ARRDC5: variants seen among roughly 807,000 people sequenced by gnomAD.
ARRDC5 encodes arrestin domain-containing protein 5.
Under a neutral mutation model 13.3 loss-of-function variants are expected in ARRDC5, and 12 were observed. The ratio of observed to expected loss-of-function variants is 0.90; its 90% CI spans 0.58 to 1.46. The LOEUF (loss-of-function observed/expected upper bound fraction) is 1.46, where lower values mean the gene tolerates loss of function less well. Ranked by LOEUF, ARRDC5 falls within the 40% of genes most tolerant of loss-of-function variation. The pLI is 0.00. For synonymous variants in ARRDC5, 181 were observed against 173.4 expected, an observed-to-expected ratio of 1.04 and a Z score of -0.34; for missense variants, 406 against 418.7, an observed-to-expected ratio of 0.97 and a Z score of 0.26.
At chr19:4,905,461 AT>A (rs564794778), upstream of ARRDC5, among the ~76,000 whole-genome samples, 4,263 of 145,550 alleles carry the variant, frequency 0.029, 190 homozygotes, top group African/African-American at 0.1. Flanking sequence ...TTTTTTTGCA[AT>A]TTTTTTTTTA....
the ARRDC5 span, chr19:4,910,852 G>C: frequency 6.3e-7 from 1 of 1,583,428 alleles, no homozygotes; most frequent in Non-Finnish European, 8.6e-7. Flanking sequence ...AACTGATGGG[G>C]GTTTTTGCTG....
At position 4,891,062 on chromosome 19, in the gene ARRDC5, G is replaced by A. The variant is rs755694883; in HGVS notation, c.971C>T (p.Pro324Leu). 7 of 1,611,856 alleles carry A rather than the reference G, an allele frequency of 4.3e-6. No homozygotes were observed. In the East Asian group the frequency reaches 1.3e-4, roughly 31 times the overall value. The change falls in exon 3 of 3, where the codon CCA becomes CTA. Residue 324 changes from proline (P) to leucine (L), a missense_variant. Physicochemically the swap from Pro to Leu is moderately conservative, Grantham distance 98. Transcript: ENST00000650722. The part of the protein sequence containing the change: ...LSEDGVLPVN[P>L]DHQN ...TTCGGGCACTTAATTCTGGTGATCT[G>A]GGTTCACGGGTAACACTCCGTCCTC...
upstream of ARRDC5, chr19:4,903,695 G>A (rs932448616): frequency 1.3e-5 from 2 of 151,970 alleles, no homozygotes; most frequent in African/African-American, 2.4e-5. Context: ...TAGAGACGGG[G>A]TTTCACCATG....
At chr19:4,892,447 CTT>C (rs1309353159) in intron 2 of ARRDC5, among the ~76,000 whole-genome samples, 1 of 147,764 alleles carries the variant, frequency 6.8e-6, no homozygotes, top group Non-Finnish European at 1.5e-5. Flanking sequence ...TCACTGCAGA[CTT>C]GACCTCCTGG....
chr19:4,896,321 AAAAAAAAAATATAT>A (rs1568395793), intron 2 of ARRDC5, among the ~76,000 whole-genome samples: 1 of 69,944 alleles, frequency 1.4e-5, no homozygotes, highest in African/African-American at 7.3e-5. Context: ...CTCAAAAAAA[AAAAAAAAAATATAT>A]ATATATATAT....
At chr19:4,901,923 G>A (rs2031930181) in intron 1 of ARRDC5, among the ~76,000 whole-genome samples, 1 of 152,002 alleles carries the variant, frequency 6.6e-6, no homozygotes, top group Admixed American at 6.6e-5. Flanking sequence ...ATCTCGCTCC[G>A]TCACCCAGGC....
chr19:4,915,858 G>A, the ARRDC5 span, among the ~76,000 whole-genome samples: 1 of 152,232 alleles, frequency 6.6e-6, no homozygotes, highest in East Asian at 1.9e-4. Flanking sequence ...GAATGCTGCT[G>A]TGGAATGTGC....
At chr19:4,899,868 G>A (rs1436406713) in intron 1 of ARRDC5, among the ~76,000 whole-genome samples, 2 of 150,860 alleles carry the variant, frequency 1.3e-5, no homozygotes, top group African/African-American at 2.4e-5. Flanking sequence ...GAACCCGGGA[G>A]GCGGAGCTTG....
rs774736367 is a variant in ARRDC5 at position 4,891,081 on chromosome 19, C to G, written c.952G>C (p.Gly318Arg). Reference protein sequence around the residue: ...DSAICQLSEDGVLPVNPDHQN With the variant: ...DSAICQLSEDRVLPVNPDHQN ...TGATCTGGGTTCACGGGTAACACTC[C>G]GTCCTCTGACAGCTGGCAGATGGCA... is the stretch of plus-strand genomic sequence containing the variant. Residue 318 changes from glycine to arginine, a missense_variant, in exon 3 of 3, where the codon GGA becomes CGA. Transcript: ENST00000650722. 5 of 1,613,404 alleles carry G rather than the reference C, an allele frequency of 3.1e-6. No homozygotes were observed. In the African/African-American group the frequency reaches 4.0e-5, roughly 13 times the overall value.
At chr19:4,895,382 C>G (rs1427469929) in intron 2 of ARRDC5, among the ~76,000 whole-genome samples, 1 of 134,558 alleles carries the variant, frequency 7.4e-6, no homozygotes, top group Non-Finnish European at 1.5e-5. Flanking sequence ...AAGATTGCGC[C>G]ACTGCACTCC....
At chr19:4,911,050 G>A in the ARRDC5 span, 2 of 1,570,328 alleles carry the variant, frequency 1.3e-6, no homozygotes, top group Non-Finnish European at 8.7e-7. Flanking sequence ...TACACCCGCC[G>A]CCAGCACCTT....
intron 2 of ARRDC5, among the ~76,000 whole-genome samples, chr19:4,894,013 A>T (rs1344156366): frequency 4.1e-5 from 6 of 147,222 alleles, no homozygotes; most frequent in Non-Finnish European, 7.4e-5. Context: ...GCGCCACTAC[A>T]CTCCAGCCTG....
chr19:4,915,355 C>G, the ARRDC5 span, among the ~76,000 whole-genome samples: 2 of 152,146 alleles, frequency 1.3e-5, no homozygotes, highest in Non-Finnish European at 2.9e-5. Context: ...GTTGTGGCCC[C>G]GAAGCAGCTG....
At chr19:4,895,439 A>AAC (rs1361499023) in intron 2 of ARRDC5, among the ~76,000 whole-genome samples, 1 of 151,090 alleles carries the variant, frequency 6.6e-6, no homozygotes, top group Non-Finnish European at 1.5e-5. Context: ...AAAAAAAAAA[A>AAC]AAAAAAAAGA....
chr19:4,901,257 T>G (rs1362518606), intron 1 of ARRDC5, among the ~76,000 whole-genome samples: 1 of 152,116 alleles, frequency 6.6e-6, no homozygotes, highest in Non-Finnish European at 1.5e-5. Flanking sequence ...AGGCTGGGGC[T>G]GCAGTGAGTT....
At chr19:4,908,244 G>A in the ARRDC5 span, among the ~76,000 whole-genome samples, 1 of 152,100 alleles carries the variant, frequency 6.6e-6, no homozygotes, top group East Asian at 1.9e-4. Flanking sequence ...GGACGTGGGG[G>A]TCTAGAGACG....
At chr19:4,896,449 C>T in intron 2 of ARRDC5, among the ~76,000 whole-genome samples, 1 of 146,762 alleles carries the variant, frequency 6.8e-6, no homozygotes, top group African/African-American at 2.5e-5. Flanking sequence ...ACTCTGTCGC[C>T]CAGGCTGGAG....
At chr19:4,910,872 T>G in the ARRDC5 span, 1 of 1,601,550 alleles carries the variant, frequency 6.2e-7, no homozygotes, top group Non-Finnish European at 8.5e-7. Flanking sequence ...GTCCCTCCCC[T>G]CAGCGCCGAC....
intron 2 of ARRDC5, among the ~76,000 whole-genome samples, chr19:4,894,718 G>A (rs74178456): frequency 3.2e-4 from 44 of 135,648 alleles, no homozygotes; most frequent in Middle Eastern, 3.7e-3. Flanking sequence ...GAAGGAGAAG[G>A]AGAAGAAGAA....
Sources: gnomAD v4.1 joint callset for allele counts (sites outside exome capture counted in the v4.1 genomes callset) on GRCh38, gnomAD v4.1.1 for gene constraint, MANE v1.5 for transcripts, NCBI Gene and HGNC (gene_info 2026-07-23, HGNC 2026-07-21) for gene names.